HPX: variants seen among roughly 807,000 people sequenced by gnomAD.
HPX encodes the protein hemopexin, also known as beta-1B-glycoprotein.
A neutral mutation model predicts 53.8 loss-of-function variants in HPX; 42 were observed. That is an observed-to-expected ratio of 0.78 (90% CI 0.61 to 1.01). The LOEUF is 1.01. Ranked by LOEUF, HPX falls within the 50% of genes least tolerant of loss-of-function variation. The pLI is 0.00. For synonymous variants in HPX, 229 were observed against 221.1 expected, an observed-to-expected ratio of 1.04 and a Z score of -0.32; for missense variants, 547 against 594.3, an observed-to-expected ratio of 0.92 and a Z score of 0.83.
rs777300168 is a variant in HPX, at chr11:6,437,213, A to G, written c.704-36T>C. ...AAATGGGTGAGGAGAACACAGAAGG[A>G]GGCCAGAGGTCAGAGTGAGGTCCAA... is the stretch of plus-strand genomic sequence containing the variant. On this transcript the variant is annotated intron_variant, in intron 6 of 9. Transcript: ENST00000265983. The G allele has an allele frequency of 6.3e-6, 10 of 1,598,976 alleles. No individual in the cohort carries two copies. The East Asian group carries it at 2.2e-4, about 36-fold the overall frequency.
chr11:6,435,462 TTTTTTG>T (rs1416232528), intron 7 of HPX, among the ~76,000 whole-genome samples: 4 of 151,926 alleles, frequency 2.6e-5, no homozygotes, highest in African/African-American at 9.7e-5. Flanking sequence ...TTTTGTTTTG[TTTTTTG>T]TTTTTGTTTT....
intron 7 of HPX, among the ~76,000 whole-genome samples, chr11:6,435,243 C>A (rs1203048363): frequency 6.6e-6 from 1 of 151,998 alleles, no homozygotes; most frequent in Admixed American, 6.5e-5. Context: ...CCATTGCACT[C>A]CAGCCTGGGT....
Position 6,431,340 on chromosome 11 carries a change from G to A in HPX, c.1260C>T (p.Ala420=). The change falls in exon 10 of 10, where the codon GCC becomes GCT. Residue 420 remains alanine, a synonymous_variant. Coordinates refer to ENST00000265983, the MANE Select transcript of HPX (RefSeq NM_000613.3). ...EKSLGPNSCS[A]NGPGLYLIHG... ...GGATGAGGTACAAGCCGGGACCATTGGCGGAACATGAGTTAGGGCCAAGGG... is the reference window on the plus strand; with the variant it reads ...GGATGAGGTACAAGCCGGGACCATTAGCGGAACATGAGTTAGGGCCAAGGG... The A allele has an allele frequency of 6.2e-7, 1 of 1,614,250 alleles. No homozygotes were observed.
rs766737916 is a variant in HPX at position 6,440,693 on chromosome 11, T to C, written c.121A>G (p.Lys41Glu). 2 of 1,613,300 alleles carry C rather than the reference T, an allele frequency of 1.2e-6. No individual in the cohort carries two copies. The highest frequency in any genetic ancestry group is 3.3e-5 in the Admixed American group (2 of 59,932). Residue 41 changes from lysine (K) to glutamate (E), a missense_variant, in exon 2 of 10, where the codon AAG becomes GAG. Coordinates refer to ENST00000265983, the MANE Select transcript of HPX (RefSeq NM_000613.3). ...AHGNVAEGET[K>E]PDPDVTERCS... ...TCACCAGTCACGTCTGGGTCTGGCT[T>C]GGTCTCGCCTTCAGCAACATTCCCA...
intron 5 of HPX, 87 bp from the exon 6 acceptor site, chr11:6,437,739 A>G (rs970233475): frequency 2.7e-5 from 27 of 987,008 alleles, no homozygotes; most frequent in Middle Eastern, 2.0e-4. Flanking sequence ...GGGCCAGATA[A>G]TGGTACTGAC....
rs748211591 is a variant in HPX at position 6,440,118 on chromosome 11, C to T, written c.336+47G>A. The T allele has an allele frequency of 9.3e-6, 15 of 1,612,854 alleles. No individual in the cohort carries two copies. In the East Asian group the frequency reaches 1.1e-4, roughly 12 times the overall value. ...CATTTGGGGGAAGGGTCCCCAGTGT[C>T]GATTCCAGCCCTTTCCAGCCTGGCC... On this transcript the variant is annotated intron_variant, in intron 4 of 9. Coordinates refer to ENST00000265983, the MANE Select transcript of HPX (RefSeq NM_000613.3).
chr11:6,437,609 C>T lies in HPX; in HGVS notation c.534G>A (p.Lys178=), dbSNP rs34273718. ...TCCCAACAGCTGGCCAGGAACGCTC[C>T]TTCATGGTTCCCGTAGCCAAGTCCC... The part of the protein sequence containing the change: ...WFWDLATGTM[K]ERSWPAVGNC... Residue 178 remains lysine (K), a synonymous_variant, in exon 6 of 10, where the codon AAG becomes AAA. Coordinates refer to ENST00000265983, the MANE Select transcript of HPX (RefSeq NM_000613.3). 2.8e-3 allele frequency: 4,557 copies of T among 1,614,174 alleles called. 123 individuals are homozygous for T. The African/African-American group carries it at 0.055, about 19-fold the overall frequency.
At chr11:6,434,947 G>C (rs970156229) in intron 7 of HPX, among the ~76,000 whole-genome samples, 4 of 152,056 alleles carry the variant, frequency 2.6e-5, no homozygotes, top group Non-Finnish European at 5.9e-5. Flanking sequence ...ACCTATGAGG[G>C]GCCAGGCGTG....
chr11:6,437,793 G>A (rs1335923775), intron 5 of HPX, 141 bp from the exon 6 acceptor site: 2 of 664,118 alleles, frequency 3.0e-6, no homozygotes, highest in South Asian at 1.8e-5. Context: ...AAAGGAGGGT[G>A]ATCATACACC....
Position 6,437,515 on chromosome 11 carries a change from C to T in HPX, c.628G>A (p.Asp210Asn), listed in dbSNP as rs202185840. Residue 210 changes from aspartate to asparagine, a missense_variant, in exon 6 of 10, where the codon GAC becomes AAC. Transcript: ENST00000265983. ...CFQGNQFLRFDPVRGEVPPRY... is the reference protein window; with the variant it reads ...CFQGNQFLRFNPVRGEVPPRY... The stretch of plus-strand genomic sequence containing the variant: ...GGAGGCACCTCTCCCCTGACAGGGT[C>T]GAAGCGCAGGAATTGGTTACCCTGG... 30 of 1,614,064 alleles carry T rather than the reference C, an allele frequency of 1.9e-5. No homozygotes were observed. Among genetic ancestry groups the T allele is most frequent in the African/African-American group, 1.7e-4 (13 of 74,918 alleles).
At chr11:6,440,638 C>G (rs1849472248) in intron 2 of HPX, 34 bp downstream of exon 2, 1 of 1,489,750 alleles carries the variant, frequency 6.7e-7, no homozygotes, top group South Asian at 1.1e-5. Flanking sequence ...CACAACCAGA[C>G]AGATAAGACA....
intron 7 of HPX, among the ~76,000 whole-genome samples, chr11:6,436,614 C>A (rs1416483447): frequency 6.6e-6 from 1 of 152,152 alleles, no homozygotes; most frequent in Non-Finnish European, 1.5e-5. Flanking sequence ...GAACCAGGAA[C>A]CTGAAACAAG....
At chr11:6,436,976 G>A (rs1053876102) in intron 7 of HPX, 70 bp downstream of exon 7, 8 of 1,525,260 alleles carry the variant, frequency 5.2e-6, no homozygotes, top group Middle Eastern at 1.7e-4. Flanking sequence ...ATGGAGAAAT[G>A]TGTCAAGGAT....
At chr11:6,439,822 G>A in intron 4 of HPX, 1 of 358,234 alleles carries the variant, frequency 2.8e-6, no homozygotes, top group Non-Finnish European at 5.5e-6. Context: ...GTGCCATTGT[G>A]TTGGGAACAA....
In HPX at chr11:6,438,505, TC is replaced by T; in HGVS notation, c.340del (p.Asp114ThrfsTer64). The T allele has an allele frequency of 6.2e-7, 1 of 1,613,720 alleles. No individual in the cohort carries two copies. On this transcript the variant is annotated frameshift_variant, in exon 5 of 10. Transcript: ENST00000265983. LOFTEE classifies it high-confidence loss of function. ...GHNSVFLIKG[D>X]KVWVYPPEKK... is the part of the protein sequence containing the mutation. ...TTCAGGAGGGTATACCCAGACTTTG[TC>T]CCCCTGCATTCAAAAGTACTCTCTT...
intron 4 of HPX, 41 bp from the exon 5 acceptor site, chr11:6,438,550 G>T (rs768085840): frequency 6.3e-7 from 1 of 1,579,346 alleles, no homozygotes; most frequent in Non-Finnish European, 8.7e-7. Context: ...TGCATCCCCA[G>T]ATACTGCCAC....
chr11:6,437,502 C>G lies in HPX; in HGVS notation c.641G>C (p.Gly214Ala). ...NQFLRFDPVRGEVPPRYPRDV... is the reference protein window; with the variant it reads ...NQFLRFDPVRAEVPPRYPRDV... ...CCGCGGGTACCTGGGAGGCACCTCT[C>G]CCCTGACAGGGTCGAAGCGCAGGAA... Residue 214 changes from glycine to alanine, a missense_variant, in exon 6 of 10, where the codon GGA becomes GCA. Coordinates refer to ENST00000265983, the MANE Select transcript of HPX (RefSeq NM_000613.3). 6.2e-7 allele frequency: 1 copy of G among 1,614,200 alleles called. No homozygotes were observed. The highest frequency in any genetic ancestry group is 8.5e-7 in the Non-Finnish European group (1 of 1,180,036).
chr11:6,431,311 C>A lies in HPX; in HGVS notation c.1289G>T (p.Gly430Val). 1 of 1,614,252 alleles carries A rather than the reference C, an allele frequency of 6.2e-7. No homozygotes were observed. Among genetic ancestry groups the A allele is most frequent in the East Asian group, 2.2e-5 (1 of 44,890 alleles). Residue 430 changes from glycine to valine, a missense_variant, in exon 10 of 10, where the codon GGT becomes GTT. Gly to Val is a moderately radical substitution (Grantham distance 109). Transcript: ENST00000265983. ...ATCACTGTAGCAGTACAAATTGGGA[C>A]CATGGATGAGGTACAAGCCGGGACC... Reference protein sequence around the residue: ...ANGPGLYLIHGPNLYCYSDVE... With the variant: ...ANGPGLYLIHVPNLYCYSDVE...
rs779399098 is a variant in HPX at position 6,437,695 on chromosome 11, C to T, written c.491-43G>A. Reference sequence around the variant, plus strand: ...ACAGGCATTTGGTGAGACCGGGTTACGCCCTCCTTTGTGCTTTCTCTGGGT... The same window carrying T: ...ACAGGCATTTGGTGAGACCGGGTTATGCCCTCCTTTGTGCTTTCTCTGGGT... On this transcript the variant is annotated intron_variant, in intron 5 of 9. Transcript: ENST00000265983. The T allele has an allele frequency of 1.4e-5, 22 of 1,528,914 alleles. No homozygotes were observed. In the East Asian group the frequency reaches 2.3e-4, roughly 16 times the overall value. 94.7% of individuals were successfully genotyped at this position (1,528,914 alleles called of 1,614,324 possible). A position where few individuals can be genotyped will look rare whatever the true frequency, so the allele number is the denominator to read the frequency against.
Sources: gnomAD v4.1 joint callset for allele counts (sites outside exome capture counted in the v4.1 genomes callset) on GRCh38, gnomAD v4.1.1 for gene constraint, MANE v1.5 for transcripts, NCBI Gene and HGNC (gene_info 2026-07-23, HGNC 2026-07-21) for gene names.